Variants in TGFBR1 observed in about 807,000 individuals in gnomAD.
TGFBR1 encodes the protein transforming growth factor beta receptor 1, also known as TGF-beta receptor type-1.
A neutral mutation model predicts 55.1 loss-of-function variants in TGFBR1; 20 were observed. The observed-to-expected ratio is 0.36, with a 90% confidence interval of 0.26 to 0.53. The LOEUF is 0.53. Among genes scored for constraint, TGFBR1 ranks in the 20% least tolerant of loss-of-function variants. The pLI is 0.91. For synonymous variants in TGFBR1, 220 were observed against 214.8 expected, an observed-to-expected ratio of 1.02 and a Z score of -0.21; for missense variants, 385 against 617.6, an observed-to-expected ratio of 0.62 and a Z score of 3.99.
At chr9:99,137,481 G>GCTTTGCCACAT (rs1827472812) in intron 3 of TGFBR1, among the ~76,000 whole-genome samples, 1 of 151,990 alleles carries the variant, frequency 6.6e-6, no homozygotes, top group Non-Finnish European at 1.5e-5. Context: ...TCTTTTCACT[G>GCTTTGCCACAT]CTTTGCCACA....
rs115324990 is a variant in TGFBR1, at chr9:99,146,506, C to G, written c.1152C>G (p.Leu384=). ...GTKRYMAPEV[L]DDSINMKHFE... ...TTAGGTACATGGCCCCTGAAGTTCT[C>G]GATGATTCCATAAATATGAAACATT... Residue 384 remains leucine, a synonymous_variant, in exon 7 of 9, where the codon CTC becomes CTG. Transcript: ENST00000374994. 3 of 1,613,688 alleles carry G rather than the reference C, an allele frequency of 1.9e-6. No homozygotes were observed. Among genetic ancestry groups the G allele is most frequent in the Non-Finnish European group, 2.5e-6 (3 of 1,179,852 alleles).
chr9:99,125,502 TA>T (rs1827014310), intron 1 of TGFBR1, among the ~76,000 whole-genome samples: 1 of 152,258 alleles, frequency 6.6e-6, no homozygotes, highest in Admixed American at 6.5e-5. Context: ...TTGCATATAA[TA>T]AAGTACATAT....
chr9:99,154,168 G>T lies in TGFBR1; in HGVS notation c.*4863G>T. ...TTTTGTTGAAAGTTGGAAAAAAAGT[G>T]AAATTAAAGACATTCCCAGACAAAT... is the stretch of plus-strand genomic sequence containing the variant. On this transcript the variant is annotated 3_prime_UTR_variant, in exon 9 of 9. Transcript: ENST00000374994. 1 of 222,474 alleles carries T rather than the reference G, an allele frequency of 4.5e-6. No individual in the cohort carries two copies. The highest frequency in any genetic ancestry group is 9.0e-6 in the Non-Finnish European group (1 of 111,202). The allele number at this position is 222,474 out of a possible 1,614,324, so 13.8% of individuals were successfully genotyped here. A position where few individuals can be genotyped will look rare whatever the true frequency, so the allele number is the denominator to read the frequency against.
chr9:99,117,006 C>A (rs1329334690), intron 1 of TGFBR1, among the ~76,000 whole-genome samples: 1 of 152,122 alleles, frequency 6.6e-6, no homozygotes, highest in Non-Finnish European at 1.5e-5. Flanking sequence ...TCTGTCCTTG[C>A]TTGGTTCAAT....
chr9:99,125,591 C>T (rs866176997), intron 1 of TGFBR1, among the ~76,000 whole-genome samples: 2 of 152,104 alleles, frequency 1.3e-5, no homozygotes, highest in Non-Finnish European at 2.9e-5. Flanking sequence ...TTCAAATTCC[C>T]TTTATTTTTT....
chr9:99,145,467 GTTTA>G (rs1827763769), intron 6 of TGFBR1, among the ~76,000 whole-genome samples: 1 of 152,138 alleles, frequency 6.6e-6, no homozygotes, highest in Non-Finnish European at 1.5e-5. Context: ...TGTTGTAACT[GTTTA>G]TTTATTTGCC....
At chr9:99,127,136 A>G (rs1055112809) in intron 1 of TGFBR1, among the ~76,000 whole-genome samples, 3 of 152,208 alleles carry the variant, frequency 2.0e-5, no homozygotes, top group Non-Finnish European at 4.4e-5. Context: ...AGTTAACATC[A>G]GCAAAAGCAA....
At chr9:99,108,861 TA>T (rs1406412542) in intron 1 of TGFBR1, among the ~76,000 whole-genome samples, 1 of 152,114 alleles carries the variant, frequency 6.6e-6, no homozygotes, top group Non-Finnish European at 1.5e-5. Context: ...TGAGGGAGAA[TA>T]ACATTATGGG....
rs1469620887 is a variant in TGFBR1, at chr9:99,146,595, G to A, written c.1241G>A (p.Arg414Gln). 2 of 1,613,912 alleles carry A rather than the reference G, an allele frequency of 1.2e-6. No individual in the cohort carries two copies. Among genetic ancestry groups the A allele is most frequent in the Non-Finnish European group, 8.5e-7 (1 of 1,179,842 alleles). Residue 414 changes from arginine to glutamine, a missense_variant, in exon 7 of 9, where the codon CGA becomes CAA. Around this residue, in one of 5 missense-constraint regions of TGFBR1, gnomAD observed 110 missense variants for 154.6 expected, o/e 0.71. Coordinates refer to ENST00000374994, the MANE Select transcript of TGFBR1 (RefSeq NM_004612.4). ...TTAGTATTCTGGGAAATTGCTCGAC[G>A]ATGTTCCATTGGTGGTAAATTGCTC... The part of the protein sequence containing the change: ...MGLVFWEIAR[R>Q]CSIGGIHEDY...
At position 99,151,397 on chromosome 9, in the gene TGFBR1, GTT is replaced by G. The variant is rs200529894; in HGVS notation, c.*2104_*2105del. The G allele has an allele frequency of 3.1e-4, 50 of 163,170 alleles. No individual in the cohort carries two copies. The highest frequency in any genetic ancestry group is 5.8e-4 in the East Asian group (6 of 10,432). 10.1% of individuals were successfully genotyped at this position (163,170 alleles called of 1,614,324 possible). A position where few individuals can be genotyped will look rare whatever the true frequency, so the allele number is the denominator to read the frequency against. On this transcript the variant is annotated 3_prime_UTR_variant, in exon 9 of 9. Coordinates refer to ENST00000374994, the MANE Select transcript of TGFBR1 (RefSeq NM_004612.4). ...CTTTTTTTGTGGGGGTTTTTTTTTT[GTT>G]TTTTTTTTTTTGTTGTTGTTTTTGG...
intron 2 of TGFBR1, among the ~76,000 whole-genome samples, chr9:99,131,010 T>G (rs948099986): frequency 6.6e-6 from 1 of 152,118 alleles, no homozygotes; most frequent in Non-Finnish European, 1.5e-5. Context: ...TTAAGAGATA[T>G]AGGGAACAGA....
chr9:99,127,236 T>A (rs1217511669), intron 1 of TGFBR1, among the ~76,000 whole-genome samples: 4 of 152,176 alleles, frequency 2.6e-5, no homozygotes, highest in African/African-American at 9.7e-5. Flanking sequence ...CTTAATTCTC[T>A]CAACAACAAT....
rs1332543998 is a variant in TGFBR1 at position 99,147,804 on chromosome 9, A to G, written c.1386+20A>G. 1.2e-6 allele frequency: 2 copies of G among 1,613,460 alleles called. No individual in the cohort carries two copies. Among genetic ancestry groups the G allele is most frequent in the Non-Finnish European group, 8.5e-7 (1 of 1,179,626 alleles). On this transcript the variant is annotated intron_variant, in intron 8 of 8. Transcript: ENST00000374994. ...TGTGAAGTGAGTATTTCTTTTTGATATTAGGCAATTTTCTAAACTGCTTCT... is the reference window on the plus strand; with the variant it reads ...TGTGAAGTGAGTATTTCTTTTTGATGTTAGGCAATTTTCTAAACTGCTTCT...
intron 1 of TGFBR1, among the ~76,000 whole-genome samples, chr9:99,118,542 T>C (rs752213166): frequency 2.6e-5 from 4 of 152,178 alleles, no homozygotes; most frequent in African/African-American, 4.8e-5. Flanking sequence ...TTTATCAGTT[T>C]ACTAAGATTT....
In TGFBR1 at chr9:99,129,115, A is replaced by G; in HGVS notation, c.343+15A>G. On this transcript the variant is annotated intron_variant, in intron 2 of 8. Transcript: ENST00000374994. ...TCCAACTACTGGTAAGTTGTATAAA[A>G]TTTTTTTCCTAGATACTACAAGAAA... 1 of 1,613,348 alleles carries G rather than the reference A, an allele frequency of 6.2e-7. No homozygotes were observed. Among genetic ancestry groups the G allele is most frequent in the Non-Finnish European group, 8.5e-7 (1 of 1,179,606 alleles).
At chr9:99,141,852 C>G (rs1827624262) in intron 4 of TGFBR1, among the ~76,000 whole-genome samples, 1 of 152,190 alleles carries the variant, frequency 6.6e-6, no homozygotes, top group Non-Finnish European at 1.5e-5. Flanking sequence ...AATTTTGGAA[C>G]CCACGTTCCT....
chr9:99,125,912 A>G (rs977159501), intron 1 of TGFBR1, among the ~76,000 whole-genome samples: 5 of 152,180 alleles, frequency 3.3e-5, no homozygotes, highest in Admixed American at 3.3e-4. Context: ...AGATGTGAAA[A>G]ACAAAACAAG....
chr9:99,114,855 G>A lies in TGFBR1; in HGVS notation c.97+9553G>A, dbSNP rs571947259. Among the ~76,000 whole-genome samples, 4 of 152,274 alleles carry A rather than the reference G, an allele frequency of 2.6e-5. No individual in the cohort carries two copies. The South Asian group carries it at 8.3e-4, about 32-fold the overall frequency. ...CCTTCAAACAGGTGCAAGTCAGTAA[G>A]ATCCAGAGTGTCTTTGCTTGGGTTT... On this transcript the variant is annotated intron_variant, in intron 1 of 8. Transcript: ENST00000374994.
intron 1 of TGFBR1, among the ~76,000 whole-genome samples, chr9:99,110,312 A>G (rs1241729098): frequency 2.6e-5 from 4 of 152,152 alleles, no homozygotes; most frequent in Non-Finnish European, 5.9e-5. Context: ...AATATGCTAC[A>G]TATTCTATCT....
Sources: allele counts gnomAD v4.1 joint callset (sites outside exome capture counted in the v4.1 genomes callset), GRCh38; gene constraint gnomAD v4.1.1; regional missense constraint gnomAD v4.1.1; transcripts MANE v1.5; gene names NCBI Gene and HGNC (gene_info 2026-07-23, HGNC 2026-07-21).